The following LRP1B variants were observed in gnomAD, a reference collection of about 807,000 sequenced individuals.
LRP1B encodes low-density lipoprotein receptor-related protein 1B.
Under a neutral mutation model 556.6 loss-of-function variants are expected in LRP1B, and 217 were observed. The observed-to-expected ratio is 0.39, with a 90% CI of 0.35 to 0.44. The LOEUF is 0.44. LRP1B is among the 20% of genes least tolerant of loss of function. The pLI, the probability that LRP1B is intolerant of heterozygous loss-of-function variation, is 1.00. For missense variants in LRP1B, 5,053 were observed against 5,620.8 expected (o/e 0.90, Z 3.23); for synonymous variants, 2,047 against 1,865.8 (o/e 1.10, Z -2.50).
chr2:141,584,977 C>A (rs1687086484), intron 2 of LRP1B, among the ~76,000 whole-genome samples: 1 of 151,608 alleles, frequency 6.6e-6, no homozygotes, highest in African/African-American at 2.4e-5. Flanking sequence ...AGCTGACTCA[C>A]AAAAAATGTG....
intron 1 of LRP1B, among the ~76,000 whole-genome samples, chr2:142,002,647 G>A (rs1248566239): frequency 6.6e-6 from 1 of 151,824 alleles, no homozygotes; most frequent in Non-Finnish European, 1.5e-5. Context: ...GGTACTCACT[G>A]AAACCTCCCT....
At chr2:141,285,747 A>T (rs56670696) in intron 3 of LRP1B, among the ~76,000 whole-genome samples, 3 of 142,572 alleles carry the variant, frequency 2.1e-5, no homozygotes, top group East Asian at 2.2e-4. Flanking sequence ...TGAGCCACCG[A>T]GCCCGGCCAA....
intron 11 of LRP1B, among the ~76,000 whole-genome samples, chr2:141,047,219 C>G (rs148575474): frequency 6.6e-6 from 1 of 152,042 alleles, no homozygotes; most frequent in Non-Finnish European, 1.5e-5. Flanking sequence ...AGTAGGCAGA[C>G]AGCCTCTGTC....
chr2:141,194,395 T>C (rs544035505), intron 6 of LRP1B, among the ~76,000 whole-genome samples: 1 of 152,176 alleles, frequency 6.6e-6, no homozygotes, highest in African/African-American at 2.4e-5. Context: ...AATTTATTAA[T>C]CAGGACTGTG....
intron 1 of LRP1B, among the ~76,000 whole-genome samples, chr2:141,836,365 T>A (rs750227881): frequency 6.6e-6 from 1 of 152,046 alleles, no homozygotes; most frequent in Admixed American, 6.6e-5. Context: ...ATTTTGCTTT[T>A]CCACCATATA....
chr2:141,027,497 T>G (rs1698247986), intron 11 of LRP1B, among the ~76,000 whole-genome samples: 1 of 152,002 alleles, frequency 6.6e-6, no homozygotes, highest in African/African-American at 2.4e-5. Context: ...AGTGAAATAT[T>G]AAAAGAAAAC....
chr2:140,897,580 A>G (rs1281281409), intron 23 of LRP1B, among the ~76,000 whole-genome samples: 1 of 152,216 alleles, frequency 6.6e-6, no homozygotes. Context: ...TGGGAGAGGC[A>G]GACCAACCTT....
At chr2:140,372,919 T>A in intron 69 of LRP1B, 89 bp downstream of exon 69, 1 of 1,351,488 alleles carries the variant, frequency 7.4e-7, no homozygotes. Context: ...ATGACATATT[T>A]GCCACTGTTT....
intron 7 of LRP1B, among the ~76,000 whole-genome samples, chr2:141,183,957 C>G (rs1681123408): frequency 6.6e-6 from 1 of 152,004 alleles, no homozygotes; most frequent in African/African-American, 2.4e-5. Flanking sequence ...CAAGTTCACA[C>G]TCATAGTGAA....
chr2:141,094,296 A>G (rs1451118224), intron 7 of LRP1B, among the ~76,000 whole-genome samples: 1 of 152,222 alleles, frequency 6.6e-6, no homozygotes, highest in Non-Finnish European at 1.5e-5. Flanking sequence ...ATATAAACAT[A>G]GTATTTTAAC....
intron 31 of LRP1B, among the ~76,000 whole-genome samples, chr2:140,837,368 T>C (rs527623372): frequency 6.6e-6 from 1 of 152,314 alleles, no homozygotes; most frequent in Non-Finnish European, 1.5e-5. Flanking sequence ...ACAGGCCTAG[T>C]GCAAAATCCG....
intron 2 of LRP1B, among the ~76,000 whole-genome samples, chr2:141,698,493 T>TAAAA (rs34461101): frequency 3.6e-5 from 5 of 140,068 alleles, no homozygotes; most frequent in African/African-American, 1.3e-4. Context: ...GTTGTACACT[T>TAAAA]AAAAAAAAAA....
intron 3 of LRP1B, among the ~76,000 whole-genome samples, chr2:141,351,521 C>T (rs1339987764): frequency 1.3e-5 from 2 of 152,002 alleles, no homozygotes; most frequent in African/African-American, 2.4e-5. Flanking sequence ...AGGCCTATTT[C>T]TCTCAGGAAG....
intron 11 of LRP1B, among the ~76,000 whole-genome samples, chr2:141,031,400 T>C (rs2105414788): frequency 6.6e-6 from 1 of 152,016 alleles, no homozygotes; most frequent in East Asian, 1.9e-4. Context: ...ATTAATGATC[T>C]ACCTAATCTT....
chr2:140,566,857 G>T (rs1302067238), intron 43 of LRP1B, among the ~76,000 whole-genome samples: 2 of 152,112 alleles, frequency 1.3e-5, no homozygotes, highest in East Asian at 3.9e-4. Flanking sequence ...TATGAAATGG[G>T]GGTGTGGTCA....
intron 2 of LRP1B, among the ~76,000 whole-genome samples, chr2:141,503,741 C>T (rs1047480176): frequency 4.6e-5 from 7 of 151,942 alleles, no homozygotes; most frequent in Non-Finnish European, 7.4e-5. Context: ...TACTAATACA[C>T]AAAACTGGAG....
intron 3 of LRP1B, among the ~76,000 whole-genome samples, chr2:141,368,102 T>G (rs185477892): frequency 1.2e-3 from 183 of 152,302 alleles, no homozygotes; most frequent in African/African-American, 4.2e-3. Context: ...AAAATTCAGG[T>G]TTTTGTAACT....
At chr2:141,606,064 C>A (rs17735650) in intron 2 of LRP1B, among the ~76,000 whole-genome samples, 1 of 152,106 alleles carries the variant, frequency 6.6e-6, no homozygotes, top group South Asian at 2.1e-4. Flanking sequence ...CTTTCATACA[C>A]GTCCGTGCTA....
At chr2:141,950,463 T>C (rs1225583295) in intron 1 of LRP1B, among the ~76,000 whole-genome samples, 1 of 152,164 alleles carries the variant, frequency 6.6e-6, no homozygotes, top group Non-Finnish European at 1.5e-5. Flanking sequence ...AAGGAAGGTA[T>C]GAATTATTTC....
Sources: allele counts gnomAD v4.1 joint callset (sites outside exome capture counted in the v4.1 genomes callset), GRCh38; gene constraint gnomAD v4.1.1; transcripts MANE v1.5; gene names NCBI Gene and HGNC (gene_info 2026-07-23, HGNC 2026-07-21).